RALYL: variants seen among roughly 807,000 people sequenced by gnomAD.
RALYL encodes RNA-binding Raly-like protein.
A neutral mutation model predicts 35.1 loss-of-function variants in RALYL; 29 were observed. The observed-to-expected ratio is 0.83, with a 90% CI of 0.61 to 1.13. The LOEUF (loss-of-function observed/expected upper bound fraction) is 1.13, where lower values mean the gene tolerates loss of function less well. Ranked by LOEUF, RALYL falls within the 50% of genes most tolerant of loss-of-function variation. RALYL has a pLI of 0.00. For synonymous variants in RALYL, 120 were observed against 127.6 expected, an observed-to-expected ratio of 0.94 and a Z score of 0.40; for missense variants, 359 against 360.4, an observed-to-expected ratio of 1.00 and a Z score of 0.03.
intron 1 of RALYL, among the ~76,000 whole-genome samples, chr8:84,264,941 G>C (rs1175501300): frequency 6.6e-6 from 1 of 152,168 alleles, no homozygotes; most frequent in African/African-American, 2.4e-5. Context: ...GAGCTAATAT[G>C]ATCTCAAGTT....
intron 1 of RALYL, among the ~76,000 whole-genome samples, chr8:84,459,202 T>C (rs1408791930): frequency 6.6e-6 from 1 of 151,732 alleles, no homozygotes; most frequent in Admixed American, 6.6e-5. Context: ...AAGGCAATGA[T>C]TAAAGTCTAC....
At chr8:84,475,848 T>C (rs1452451774) in intron 1 of RALYL, among the ~76,000 whole-genome samples, 1 of 152,182 alleles carries the variant, frequency 6.6e-6, no homozygotes, top group African/African-American at 2.4e-5. Flanking sequence ...TGGCATAGTC[T>C]AGGTTGAATA....
intron 1 of RALYL, among the ~76,000 whole-genome samples, chr8:84,435,666 G>T (rs767899101): frequency 1.2e-4 from 18 of 152,034 alleles, no homozygotes; most frequent in Non-Finnish European, 2.1e-4. Flanking sequence ...AACTACATTT[G>T]CCTTGTTTGC....
chr8:84,370,660 A>T lies in RALYL; in HGVS notation c.-23-158639A>T, dbSNP rs143818263. ...AAGTGAATGGCAATGTAAAATCTGCAGTAAAGCTAGGTGGAAGTGTTTAGA... is the reference window on the plus strand; with the variant it reads ...AAGTGAATGGCAATGTAAAATCTGCTGTAAAGCTAGGTGGAAGTGTTTAGA... On this transcript the variant is annotated intron_variant, in intron 1 of 8. Coordinates refer to ENST00000521268, the MANE Select transcript of RALYL (RefSeq NM_173848.7). Among the ~76,000 whole-genome samples the T allele has an allele frequency of 6.0e-3, 912 of 152,210 alleles. 7 individuals are homozygous for T. Among genetic ancestry groups the T allele is most frequent in the Middle Eastern group, 6.8e-3 (2 of 294 alleles).
intron 2 of RALYL, among the ~76,000 whole-genome samples, chr8:84,590,679 T>C (rs963950934): frequency 1.3e-5 from 2 of 152,302 alleles, no homozygotes; most frequent in Non-Finnish European, 2.9e-5. Context: ...AGCTATCAAA[T>C]AATGGAATTG....
intron 1 of RALYL, among the ~76,000 whole-genome samples, chr8:84,489,918 G>A (rs1343355928): frequency 6.6e-6 from 1 of 151,976 alleles, no homozygotes; most frequent in Non-Finnish European, 1.5e-5. Flanking sequence ...GAAACAGGCC[G>A]AATTAGGGAG....
chr8:84,272,599 A>G lies in RALYL; in HGVS notation c.-24+88175A>G, dbSNP rs538241379. On this transcript the variant is annotated intron_variant, in intron 1 of 8. Transcript: ENST00000521268. The stretch of plus-strand genomic sequence containing the variant: ...TCATTGTCACATGGGCCAGGATACT[A>G]GCATACATGTAATAATTTTAGTACT... Among the ~76,000 whole-genome samples the G allele has an allele frequency of 2.6e-5, 4 of 152,316 alleles. No individual in the cohort carries two copies. In the East Asian group the frequency reaches 7.7e-4, roughly 29 times the overall value.
intron 1 of RALYL, among the ~76,000 whole-genome samples, chr8:84,262,745 C>A (rs1189212710): frequency 6.6e-6 from 1 of 152,066 alleles, no homozygotes; most frequent in Non-Finnish European, 1.5e-5. Context: ...GTTGGTTAAA[C>A]TTGGCATTAC....
chr8:84,483,961 A>T (rs1283710279), intron 1 of RALYL, among the ~76,000 whole-genome samples: 1 of 151,892 alleles, frequency 6.6e-6, no homozygotes, highest in Non-Finnish European at 1.5e-5. Context: ...AGATATGTAA[A>T]TTTTTTTTCT....
At chr8:84,711,346 A>G (rs1421345062) in intron 2 of RALYL, among the ~76,000 whole-genome samples, 1 of 152,164 alleles carries the variant, frequency 6.6e-6, no homozygotes, top group African/African-American at 2.4e-5. Flanking sequence ...CTTGTGCAAT[A>G]ATTTTTAAAT....
At chr8:84,895,893 G>A (rs190799748) in intron 8 of RALYL, among the ~76,000 whole-genome samples, 38 of 152,262 alleles carry the variant, frequency 2.5e-4, no homozygotes, top group Non-Finnish European at 5.1e-4. Context: ...TTCCAGACAT[G>A]GGATAAATTA....
chr8:84,842,404 C>A (rs1461620935), intron 4 of RALYL, among the ~76,000 whole-genome samples: 8 of 152,114 alleles, frequency 5.3e-5, no homozygotes, highest in Non-Finnish European at 7.4e-5. Flanking sequence ...TACACCCTCC[C>A]AAGACTAAAC....
intron 2 of RALYL, among the ~76,000 whole-genome samples, chr8:84,601,194 T>C (rs1190375230): frequency 1.3e-5 from 2 of 152,202 alleles, no homozygotes; most frequent in African/African-American, 2.4e-5. Flanking sequence ...CTAAAGTGTG[T>C]TATGTATGAC....
At chr8:84,332,851 A>C (rs777924106) in intron 1 of RALYL, among the ~76,000 whole-genome samples, 2 of 152,156 alleles carry the variant, frequency 1.3e-5, no homozygotes, top group Admixed American at 1.3e-4. Flanking sequence ...GGTGACCTGG[A>C]AACTAAACTA....
At chr8:84,453,899 G>A (rs1433069617) in intron 1 of RALYL, among the ~76,000 whole-genome samples, 1 of 151,888 alleles carries the variant, frequency 6.6e-6, no homozygotes, top group African/African-American at 2.4e-5. Flanking sequence ...TTGCAAAATT[G>A]GGTACTATTA....
intron 2 of RALYL, among the ~76,000 whole-genome samples, chr8:84,597,822 T>C (rs1814939602): frequency 6.6e-6 from 1 of 152,180 alleles, no homozygotes; most frequent in African/African-American, 2.4e-5. Context: ...TTTTGTGCTA[T>C]AACAGCAGAA....
At chr8:84,574,415 C>A (rs941448965) in intron 2 of RALYL, among the ~76,000 whole-genome samples, 1 of 152,042 alleles carries the variant, frequency 6.6e-6, no homozygotes, top group Non-Finnish European at 1.5e-5. Context: ...GACTCCTATG[C>A]AGATTTTTGG....
At chr8:84,433,855 AT>A (rs980532361) in intron 1 of RALYL, among the ~76,000 whole-genome samples, 2 of 151,528 alleles carry the variant, frequency 1.3e-5, no homozygotes, top group African/African-American at 4.9e-5. Flanking sequence ...ATATATATAT[AT>A]ATATATAATA....
intron 3 of RALYL, among the ~76,000 whole-genome samples, chr8:84,794,581 T>C (rs1821483674): frequency 6.6e-6 from 1 of 152,228 alleles, no homozygotes; most frequent in Non-Finnish European, 1.5e-5. Context: ...TCATTTTTCT[T>C]AATAGAAACA....
Sources: gnomAD v4.1 joint callset for allele counts (sites outside exome capture counted in the v4.1 genomes callset) on GRCh38, gnomAD v4.1.1 for gene constraint, MANE v1.5 for transcripts, NCBI Gene and HGNC (gene_info 2026-07-23, HGNC 2026-07-21) for gene names.